The following MAP4 variants were observed in gnomAD, a reference collection of about 807,000 sequenced individuals.
The protein encoded by MAP4 is microtubule-associated protein 4.
MAP4 carries 76 observed loss-of-function variants against 170.2 expected under a neutral mutation model. The ratio of observed to expected loss-of-function variants is 0.45; its 90% confidence interval spans 0.37 to 0.54. MAP4 has a LOEUF of 0.54. Ranked by LOEUF, MAP4 falls within the 20% of genes least tolerant of loss-of-function variation. The probability of loss-of-function intolerance (pLI) is 0.00; values close to 1 mark genes in which losing one functional copy is unlikely to be tolerated. For synonymous variants in MAP4, 909 were observed against 994.5 expected (o/e 0.91, Z 1.62); for missense variants, 2,506 against 2,748.0 (o/e 0.91, Z 1.97).
intron 10 of MAP4, among the ~76,000 whole-genome samples, chr3:47,879,217 C>T (rs1234244109): frequency 6.6e-6 from 1 of 151,004 alleles, no homozygotes; most frequent in Non-Finnish European, 1.5e-5. Context: ...TTTATGATTA[C>T]TATGCAATGG....
chr3:47,863,039 C>G (rs1386880281), intron 17 of MAP4, among the ~76,000 whole-genome samples: 2 of 151,356 alleles, frequency 1.3e-5, no homozygotes, highest in Non-Finnish European at 2.9e-5. Context: ...TGCAATGGCA[C>G]AATCTCGGCT....
chr3:47,962,391 T>A (rs2100072114), intron 3 of MAP4, among the ~76,000 whole-genome samples: 1 of 152,172 alleles, frequency 6.6e-6, no homozygotes, highest in Non-Finnish European at 1.5e-5. Flanking sequence ...TCAGCAAACA[T>A]CTTTACTACC....
chr3:48,056,473 G>C (rs1450010637), intron 1 of MAP4, among the ~76,000 whole-genome samples: 1 of 59,356 alleles, frequency 1.7e-5, no homozygotes, highest in African/African-American at 7.3e-5. Flanking sequence ...CAGCCGCCCC[G>C]TCCGGGAGGG....
chr3:47,903,109 G>C (rs1201979239), intron 9 of MAP4, 109 bp from the exon 10 acceptor site: 11 of 210,504 alleles, frequency 5.2e-5, no homozygotes, highest in Non-Finnish European at 9.0e-5. Context: ...TAGCAGCATA[G>C]CAAGTACACT....
chr3:47,966,897 T>C (rs2100075436), intron 3 of MAP4, among the ~76,000 whole-genome samples: 1 of 152,246 alleles, frequency 6.6e-6, no homozygotes, highest in Non-Finnish European at 1.5e-5. Context: ...CAGTAAGTTT[T>C]GAAAATCAAC....
intron 2 of MAP4, among the ~76,000 whole-genome samples, chr3:47,983,994 T>A (rs577379916): frequency 6.6e-6 from 1 of 152,312 alleles, no homozygotes; most frequent in Admixed American, 6.5e-5. Context: ...ATCTGTGCAA[T>A]TAAAGGTAAT....
rs1160446127 is a variant in MAP4 at position 47,852,086 on chromosome 3, T to G, written c.*848A>C. 6.5e-6 allele frequency: 1 copy of G among 152,776 alleles called. No homozygotes were observed. The highest frequency in any genetic ancestry group is 1.5e-5 in the Non-Finnish European group (1 of 68,512). The allele number at this position is 152,776 out of a possible 1,614,324, so 9.5% of individuals were successfully genotyped here. ...TCACCAGCCACAGCCTCTGCACCCC[T>G]CTTCCCTGCCGCACCGCCTCCAGGG... On this transcript the variant is annotated 3_prime_UTR_variant, in exon 21 of 21. Transcript: ENST00000683076.
intron 16 of MAP4, 71 bp from the exon 17 acceptor site, chr3:47,867,409 G>GT: frequency 1.0e-6 from 1 of 975,122 alleles, no homozygotes; most frequent in Non-Finnish European, 1.7e-6. Flanking sequence ...AGGGAAGGCA[G>GT]TGAGTCCACA....
At chr3:48,073,637 G>T (rs1160590623) in intron 1 of MAP4, among the ~76,000 whole-genome samples, 2 of 149,988 alleles carry the variant, frequency 1.3e-5, no homozygotes, top group Admixed American at 6.7e-5. Flanking sequence ...GAAAAAAAAA[G>T]TTCAGCAAGG....
At chr3:47,864,298 T>C (rs995109744) in intron 17 of MAP4, among the ~76,000 whole-genome samples, 8 of 152,182 alleles carry the variant, frequency 5.3e-5, no homozygotes, top group African/African-American at 1.9e-4. Flanking sequence ...CCCAGCACTT[T>C]GGGAGGCCAA....
At chr3:48,025,342 G>C (rs1020063727) in intron 1 of MAP4, among the ~76,000 whole-genome samples, 1 of 148,752 alleles carries the variant, frequency 6.7e-6, no homozygotes, top group African/African-American at 2.5e-5. Flanking sequence ...AGGCTAGAGT[G>C]CAATGGTGCG....
At chr3:47,866,775 AG>A (rs2081183579) in intron 17 of MAP4, among the ~76,000 whole-genome samples, 1 of 152,142 alleles carries the variant, frequency 6.6e-6, no homozygotes, top group South Asian at 2.1e-4. Flanking sequence ...GGGAAGGGAT[AG>A]GAAGAAAATG....
At chr3:48,052,346 G>A (rs997284729) in intron 1 of MAP4, among the ~76,000 whole-genome samples, 6 of 152,108 alleles carry the variant, frequency 3.9e-5, no homozygotes, top group African/African-American at 1.4e-4. Context: ...TCAGCCTCCC[G>A]AGTAGCTGGG....
At chr3:47,873,501 A>C (rs2094203327) in intron 12 of MAP4, among the ~76,000 whole-genome samples, 1 of 152,246 alleles carries the variant, frequency 6.6e-6, no homozygotes, top group South Asian at 2.1e-4. Flanking sequence ...TGGAAAAATC[A>C]GCTAAGGAGG....
At chr3:47,913,033 G>A (rs2100036754) in intron 8 of MAP4, among the ~76,000 whole-genome samples, 1 of 152,142 alleles carries the variant, frequency 6.6e-6, no homozygotes, top group African/African-American at 2.4e-5. Flanking sequence ...TCCAGAACCA[G>A]AGCATCCTAC....
chr3:47,974,182 T>G, intron 3 of MAP4: 1 of 935,062 alleles, frequency 1.1e-6, no homozygotes, highest in South Asian at 4.9e-5. Context: ...TCCCAGCACT[T>G]TGGGTGGCCA....
intron 10 of MAP4, among the ~76,000 whole-genome samples, chr3:47,882,796 T>G (rs1022938122): frequency 6.6e-6 from 1 of 152,054 alleles, no homozygotes; most frequent in Non-Finnish European, 1.5e-5. Context: ...GGATCCTTTA[T>G]TTTCTCCCTA....
At chr3:47,875,253 T>A (rs988110343) in intron 12 of MAP4, among the ~76,000 whole-genome samples, 4 of 152,198 alleles carry the variant, frequency 2.6e-5, no homozygotes, top group Non-Finnish European at 5.9e-5. Flanking sequence ...ATGTGGGAAT[T>A]ATACCAAAAA....
intron 10 of MAP4, among the ~76,000 whole-genome samples, chr3:47,902,519 C>T (rs537894214): frequency 6.6e-6 from 1 of 151,534 alleles, no homozygotes; most frequent in East Asian, 1.9e-4. Flanking sequence ...ACTAAAAATA[C>T]AAAAATTAGC....
Sources: allele counts gnomAD v4.1 joint callset (sites outside exome capture counted in the v4.1 genomes callset), GRCh38; gene constraint gnomAD v4.1.1; transcripts MANE v1.5; gene names NCBI Gene and HGNC (gene_info 2026-07-23, HGNC 2026-07-21).